Variants in SYNE1 observed in about 807,000 individuals in gnomAD.
The protein encoded by SYNE1 is spectrin repeat containing nuclear envelope protein 1.
In SYNE1, 616 loss-of-function variants were observed where a neutral mutation model predicts 1,111.0. The ratio of observed to expected loss-of-function variants is 0.55; its 90% confidence interval spans 0.52 to 0.59. The LOEUF is 0.59. Ranked by LOEUF, SYNE1 falls within the 20% of genes least tolerant of loss-of-function variation. The pLI, the probability that SYNE1 is intolerant of heterozygous loss-of-function variation, is 0.00. For missense variants in SYNE1, 10,006 were observed against 10,417.0 expected (o/e 0.96, Z 1.72); for synonymous variants, 3,855 against 3,825.8 (o/e 1.01, Z -0.28).
At chr6:152,430,973 A>G (rs2098423569) in intron 34 of SYNE1, among the ~76,000 whole-genome samples, 1 of 152,162 alleles carries the variant, frequency 6.6e-6, no homozygotes, top group Admixed American at 6.6e-5. Context: ...TGAAGTAAGC[A>G]AGGAGATGTC....
At chr6:152,482,417 T>C (rs1593615714) in intron 14 of SYNE1, among the ~76,000 whole-genome samples, 2 of 152,130 alleles carry the variant, frequency 1.3e-5, no homozygotes, top group African/African-American at 4.8e-5. Context: ...ATTTTTCACA[T>C]ATGCAGGAAT....
At chr6:152,329,692 G>C in intron 78 of SYNE1, 38 bp downstream of exon 78, 1 of 1,613,916 alleles carries the variant, frequency 6.2e-7, no homozygotes, top group South Asian at 1.1e-5. Context: ...CAAATAAGCA[G>C]AGTGGAAAAA....
At chr6:152,368,488 T>C (rs2097123340) in intron 61 of SYNE1, 1 of 162,614 alleles carries the variant, frequency 6.1e-6, no homozygotes, top group African/African-American at 2.4e-5. Context: ...TACTATATAA[T>C]GAATGCAAAG....
At chr6:152,425,660 T>G in intron 38 of SYNE1, 113 bp from the exon 39 acceptor site, 2 of 1,223,944 alleles carry the variant, frequency 1.6e-6, no homozygotes, top group Non-Finnish European at 2.4e-6. Context: ...ATGCAAGTCA[T>G]TCGGGACAGG....
chr6:152,523,018 A>G (rs1466268716), intron 5 of SYNE1, among the ~76,000 whole-genome samples: 1 of 152,046 alleles, frequency 6.6e-6, no homozygotes, highest in African/African-American at 2.4e-5. Flanking sequence ...GTTTACTCTG[A>G]TGATAATTTC....
intron 95 of SYNE1, 30 bp downstream of exon 95, chr6:152,293,558 G>A (rs1236098173): frequency 6.2e-7 from 1 of 1,613,222 alleles, no homozygotes; most frequent in Non-Finnish European, 8.5e-7. Flanking sequence ...ATTCAATCAA[G>A]TAGGAAACTG....
At chr6:152,474,674 A>G (rs1178922466) in intron 14 of SYNE1, 2 of 152,230 alleles carry the variant, frequency 1.3e-5, no homozygotes, top group African/African-American at 2.4e-5. Context: ...CTTGACAACA[A>G]TGTGTAAGAT....
At position 152,219,164 on chromosome 6, in the gene SYNE1, T is replaced by C; in HGVS notation, c.21883A>G (p.Thr7295Ala). The change falls in exon 120 of 146, where the codon ACA becomes GCA. Residue 7295 changes from threonine (T) to alanine (A), a missense_variant. Transcript: ENST00000367255. ...DCNDLLKGLG[T>A]VKDSLFFLHE... ...AGAAAAAAGAGGGAATCTTTAACTGTGCCCAGTCCTTTGAGGAGGTCCTAG... is the reference window on the plus strand; with the variant it reads ...AGAAAAAAGAGGGAATCTTTAACTGCGCCCAGTCCTTTGAGGAGGTCCTAG... 2.5e-6 allele frequency: 4 copies of C among 1,614,006 alleles called. No individual in the cohort carries two copies. Among genetic ancestry groups the C allele is most frequent in the South Asian group, 2.2e-5 (2 of 91,082 alleles).
chr6:152,374,290 G>A (rs1224260566), intron 58 of SYNE1, among the ~76,000 whole-genome samples: 1 of 152,114 alleles, frequency 6.6e-6, no homozygotes, highest in African/African-American at 2.4e-5. Context: ...ATATTTTCAA[G>A]TGCTAAAGAA....
Position 152,471,655 on chromosome 6 carries a change from G to T in SYNE1, c.1574C>A (p.Ser525Tyr). ...LLVLAESKLK[S>Y]WIIKYGRRES... is the part of the protein sequence containing the mutation. The stretch of plus-strand genomic sequence containing the variant: ...TCTCCTCCCGTACTTAATGATCCAA[G>T]ACTTCAGCTTTGACTCTGCAAGAAC... Residue 525 changes from serine (S) to tyrosine (Y), a missense_variant, in exon 16 of 146, where the codon TCT (serine) becomes TAT (tyrosine). By Grantham distance (144) the Ser-to-Tyr change is moderately radical. Around this residue, in one of 7 missense-constraint regions of SYNE1, gnomAD observed 1,971 missense variants for 2,084.1 expected, o/e 0.95. Coordinates refer to ENST00000367255, the MANE Select transcript of SYNE1 (RefSeq NM_182961.4). 1 of 1,613,998 alleles carries T rather than the reference G, an allele frequency of 6.2e-7. No homozygotes were observed. The highest frequency in any genetic ancestry group is 1.7e-5 in the Admixed American group (1 of 60,002).
At chr6:152,272,297 A>G (rs897285375) in intron 98 of SYNE1, among the ~76,000 whole-genome samples, 2 of 152,192 alleles carry the variant, frequency 1.3e-5, no homozygotes, top group African/African-American at 4.8e-5. Context: ...CTGAGGTGTG[A>G]TAACAGTTTT....
rs143639400 is a variant in SYNE1 at position 152,230,593 on chromosome 6, C to T, written c.21149G>A (p.Arg7050Gln). 2.9e-4 allele frequency: 476 copies of T among 1,614,066 alleles called. No homozygotes were observed. The highest frequency in any genetic ancestry group is 7.3e-4 in the Admixed American group (44 of 60,014). Reference protein sequence around the residue: ...TQEKRLKQQHRIGDQASVQNA... With the variant: ...TQEKRLKQQHQIGDQASVQNA... ...TTGAACAGAAGCCTGATCTCCAATT[C>T]GATGCTGTTGTTTTAGTCTCTTTTC... Residue 7050 changes from arginine (R) to glutamine (Q), a missense_variant, in exon 115 of 146, where the codon CGA becomes CAA. Coordinates refer to ENST00000367255, the MANE Select transcript of SYNE1 (RefSeq NM_182961.4).
intron 5 of SYNE1, among the ~76,000 whole-genome samples, chr6:152,525,085 G>A (rs1223060158): frequency 6.6e-6 from 1 of 152,142 alleles, no homozygotes; most frequent in Non-Finnish European, 1.5e-5. Flanking sequence ...GATGAGACAT[G>A]GGGTGCCAGA....
chr6:152,492,010 A>G (rs1016579066), intron 11 of SYNE1, among the ~76,000 whole-genome samples: 1 of 152,216 alleles, frequency 6.6e-6, no homozygotes, highest in Admixed American at 6.5e-5. Flanking sequence ...TTCCTCTTAC[A>G]GAGGTGGCTG....
chr6:152,141,592 A>G (rs2058565905), intron 138 of SYNE1, among the ~76,000 whole-genome samples: 1 of 152,026 alleles, frequency 6.6e-6, no homozygotes, highest in East Asian at 1.9e-4. Context: ...CTCTGTCTCT[A>G]CAAAATATAC....
intron 61 of SYNE1, 180 bp downstream of exon 61, chr6:152,368,792 A>G (rs2097128675): frequency 1.3e-6 from 1 of 758,216 alleles, no homozygotes; most frequent in Admixed American, 2.0e-5. Flanking sequence ...AAGCTTATGC[A>G]ACAACAATGA....
At chr6:152,481,919 C>T (rs140162773) in intron 14 of SYNE1, among the ~76,000 whole-genome samples, 3 of 151,876 alleles carry the variant, frequency 2.0e-5, no homozygotes, top group African/African-American at 7.2e-5. Flanking sequence ...CAAAGTCATG[C>T]TTGCATCTGA....
chr6:152,489,618 T>C (rs893725907), intron 11 of SYNE1, among the ~76,000 whole-genome samples: 1 of 152,216 alleles, frequency 6.6e-6, no homozygotes, highest in Admixed American at 6.5e-5. Context: ...TCATGATCCA[T>C]GCCTTCTCTC....
At chr6:152,261,882 CTTG>C (rs1203587552) in intron 101 of SYNE1, 147 bp downstream of exon 101, 8 of 560,436 alleles carry the variant, frequency 1.4e-5, no homozygotes, top group South Asian at 3.1e-5. Context: ...GTGAAATAGA[CTTG>C]TTAAGAAAAA....
Sources: allele counts gnomAD v4.1 joint callset (sites outside exome capture counted in the v4.1 genomes callset), GRCh38; gene constraint gnomAD v4.1.1; regional missense constraint gnomAD v4.1.1; transcripts MANE v1.5; gene names NCBI Gene and HGNC (gene_info 2026-07-23, HGNC 2026-07-21).